SUGT1: variants seen among roughly 807,000 people sequenced by gnomAD.
SUGT1 encodes the protein protein SGT1 homolog.
In SUGT1, 15 loss-of-function variants were observed where a neutral mutation model predicts 56.1. That is an observed-to-expected ratio of 0.27 (90% CI 0.18 to 0.41). SUGT1 has a LOEUF of 0.41. Ranked by LOEUF, SUGT1 falls within the 10% of genes least tolerant of loss-of-function variation. The pLI is 1.00. For synonymous variants in SUGT1, 123 were observed against 128.6 expected (o/e 0.96, Z 0.30); for missense variants, 347 against 382.2 (o/e 0.91, Z 0.77).
intron 8 of SUGT1, among the ~76,000 whole-genome samples, chr13:52,664,866 C>T (rs1040896473): frequency 2.0e-5 from 3 of 152,028 alleles, no homozygotes; most frequent in African/African-American, 7.2e-5. Flanking sequence ...ACTTAATATA[C>T]GTGTACCGGA....
At chr13:52,668,062 C>T (rs986885793) in intron 10 of SUGT1, among the ~76,000 whole-genome samples, 3 of 151,868 alleles carry the variant, frequency 2.0e-5, no homozygotes, top group African/African-American at 7.3e-5. Context: ...CTGCAACCTC[C>T]GCCTTCTTGA....
intron 10 of SUGT1, among the ~76,000 whole-genome samples, chr13:52,674,931 T>C (rs904791791): frequency 1.3e-5 from 2 of 152,212 alleles, no homozygotes; most frequent in African/African-American, 4.8e-5. Flanking sequence ...AGGCCTAGCC[T>C]TAATTAGATA....
rs764876751 is a variant in SUGT1 at position 52,696,603 on chromosome 13, T to G, written c.*8768T>G. 1 of 152,212 alleles carries G rather than the reference T, an allele frequency of 6.6e-6. No individual in the cohort carries two copies. The highest frequency in any genetic ancestry group is 2.4e-5 in the African/African-American group (1 of 41,450). The allele number at this position is 152,212 out of a possible 1,614,324, so 9.4% of individuals were successfully genotyped here. On this transcript the variant is annotated 3_prime_UTR_variant, in exon 13 of 13. Coordinates refer to ENST00000310528, the MANE Select transcript of SUGT1 (RefSeq NM_006704.5). ...ATGTCAAGCCCTTAAAGTTGATCAT[T>G]TATTTGTCAATGTAAATAGAATAGT...
At chr13:52,673,683 G>A (rs1037077660) in intron 10 of SUGT1, among the ~76,000 whole-genome samples, 4 of 152,334 alleles carry the variant, frequency 2.6e-5, no homozygotes, top group African/African-American at 9.6e-5. Context: ...CATAGTTACA[G>A]GAACATGAAG....
chr13:52,691,180 C>T lies in SUGT1; in HGVS notation c.*3345C>T, dbSNP rs1361935490. 1.3e-5 allele frequency: 2 copies of T among 152,030 alleles called. No individual in the cohort carries two copies. Among genetic ancestry groups the T allele is most frequent in the Non-Finnish European group, 2.9e-5 (2 of 68,030 alleles). 9.4% of individuals were successfully genotyped at this position (152,030 alleles called of 1,614,324 possible). A position where few individuals can be genotyped will look rare whatever the true frequency, so the allele number is the denominator to read the frequency against. On this transcript the variant is annotated 3_prime_UTR_variant, in exon 13 of 13. Coordinates refer to ENST00000310528, the MANE Select transcript of SUGT1 (RefSeq NM_006704.5). ...GTATTTTTTTTGTAGAACCGGGTTT[C>T]ACCATGTGCCCAGGCTGGTCTTGAA...
At chr13:52,682,554 G>C (rs894203060) in intron 12 of SUGT1, among the ~76,000 whole-genome samples, 14 of 152,218 alleles carry the variant, frequency 9.2e-5, no homozygotes, top group Non-Finnish European at 1.9e-4. Context: ...TCAAGTGTGA[G>C]ATTTAACTTG....
At position 52,690,494 on chromosome 13, in the gene SUGT1, A is replaced by G. The variant is rs1963746399; in HGVS notation, c.*2659A>G. 1 of 152,162 alleles carries G rather than the reference A, an allele frequency of 6.6e-6. No individual in the cohort carries two copies. The highest frequency in any genetic ancestry group is 6.5e-5 in the Admixed American group (1 of 15,276). The allele number at this position is 152,162 out of a possible 1,614,324, so 9.4% of individuals were successfully genotyped here. ...AATGTTTCCTTTCCCTTTTAAGGTT[A>G]GTCCTGGAATACATGTTTTTCTTGG... On this transcript the variant is annotated 3_prime_UTR_variant, in exon 13 of 13. Coordinates refer to ENST00000310528, the MANE Select transcript of SUGT1 (RefSeq NM_006704.5).
rs1963814801 is a variant in SUGT1, at chr13:52,692,623, C to T, written c.*4788C>T. 6.6e-6 allele frequency: 1 copy of T among 152,272 alleles called. No individual in the cohort carries two copies. Among genetic ancestry groups the T allele is most frequent in the African/African-American group, 2.4e-5 (1 of 41,442 alleles). 9.4% of individuals were successfully genotyped at this position (152,272 alleles called of 1,614,324 possible). A position where few individuals can be genotyped will look rare whatever the true frequency, so the allele number is the denominator to read the frequency against. On this transcript the variant is annotated 3_prime_UTR_variant, in exon 13 of 13. Coordinates refer to ENST00000310528, the MANE Select transcript of SUGT1 (RefSeq NM_006704.5). The stretch of plus-strand genomic sequence containing the variant: ...ACGAGGTTTCACCATGTTGGTCAGG[C>T]TGGTCTTGAACTCCTGACCTCATGA...
rs1486230878 is a variant in SUGT1, at chr13:52,689,036, T to C, written c.*1201T>C. On this transcript the variant is annotated 3_prime_UTR_variant, in exon 13 of 13. Transcript: ENST00000310528. Reference sequence around the variant, plus strand: ...CTGTTAGGTGTCACTAACATTTTTATGGCAAAGCACTACTCTATACCCTCA... The same window carrying C: ...CTGTTAGGTGTCACTAACATTTTTACGGCAAAGCACTACTCTATACCCTCA... The C allele has an allele frequency of 6.6e-6, 1 of 152,224 alleles. No individual in the cohort carries two copies. The highest frequency in any genetic ancestry group is 1.5e-5 in the Non-Finnish European group (1 of 68,032). The allele number at this position is 152,224 out of a possible 1,614,324, so 9.4% of individuals were successfully genotyped here.
intron 5 of SUGT1, 55 bp from the exon 6 acceptor site, chr13:52,662,594 G>C (rs1299329376): frequency 6.3e-7 from 1 of 1,579,466 alleles, no homozygotes; most frequent in African/African-American, 1.4e-5. Context: ...GTAAGTATTT[G>C]TTGATTTATA....
chr13:52,653,211 C>T, intron 2 of SUGT1, 108 bp downstream of exon 2: 5 of 1,298,040 alleles, frequency 3.9e-6, no homozygotes, highest in Non-Finnish European at 5.4e-6. Context: ...GACCCAGGCT[C>T]TTGTTGATGC....
chr13:52,685,611 T>G (rs1363537309), intron 12 of SUGT1, among the ~76,000 whole-genome samples: 1 of 152,190 alleles, frequency 6.6e-6, no homozygotes, highest in Non-Finnish European at 1.5e-5. Flanking sequence ...TCTGAACTCA[T>G]TTTCATATAG....
Position 52,680,462 on chromosome 13 carries a change from C to T in SUGT1, c.900+307C>T, listed in dbSNP as rs192274876. On this transcript the variant is annotated intron_variant, in intron 12 of 12. Transcript: ENST00000310528. ...GAACTTCTGTTGTTTCCCTTCTAGA[C>T]TCATATGTAGCCTCAGTGTTAGAGA... 4.5e-3 allele frequency among the ~76,000 whole-genome samples: 682 copies of T among 152,264 alleles called. 6 individuals are homozygous for T. Among genetic ancestry groups the T allele is most frequent in the Non-Finnish European group, 7.6e-3 (515 of 68,018 alleles).
At chr13:52,668,238 C>A (rs1962797171) in intron 10 of SUGT1, among the ~76,000 whole-genome samples, 1 of 152,120 alleles carries the variant, frequency 6.6e-6, no homozygotes, top group Non-Finnish European at 1.5e-5. Context: ...CCTTGGCCTC[C>A]CAAACTGCTG....
At chr13:52,684,776 T>C (rs1031216424) in intron 12 of SUGT1, among the ~76,000 whole-genome samples, 1 of 151,552 alleles carries the variant, frequency 6.6e-6, no homozygotes, top group African/African-American at 2.4e-5. Context: ...AGTCCTCCCA[T>C]GTTGACCTCC....
At chr13:52,687,392 CTAA>C (rs1367700413) in intron 12 of SUGT1, 1 of 155,530 alleles carries the variant, frequency 6.4e-6, no homozygotes, top group Non-Finnish European at 1.4e-5. Context: ...TTTTTGGGAG[CTAA>C]TAATATTTTC....
At position 52,687,816 on chromosome 13, in the gene SUGT1, T is replaced by C. The variant is rs1963655644; in HGVS notation, c.983T>C (p.Met328Thr). The C allele has an allele frequency of 4.4e-6, 7 of 1,601,592 alleles. No individual in the cohort carries two copies. The highest frequency in any genetic ancestry group is 3.4e-6 in the Non-Finnish European group (4 of 1,174,918). The change falls in exon 13 of 13, where the codon ATG becomes ACG. Residue 328 changes from methionine (M) to threonine (T), a missense_variant. Met to Thr is a moderately conservative substitution (Grantham distance 81, BLOSUM62 -1). Coordinates refer to ENST00000310528, the MANE Select transcript of SUGT1 (RefSeq NM_006704.5). ...GTTGAAATCAATCCTCCTGATGATA[T>C]GGAATGGAAAAAGTACTAAATAAAT... Reference protein sequence around the residue: ...RKVEINPPDDMEWKKY With the variant: ...RKVEINPPDDTEWKKY
rs1387741531 is a variant in SUGT1, at chr13:52,700,526, A to AT, written c.*12692dup. 1 of 152,182 alleles carries AT rather than the reference A, an allele frequency of 6.6e-6. No homozygotes were observed. Among genetic ancestry groups the AT allele is most frequent in the Non-Finnish European group, 1.5e-5 (1 of 68,022 alleles). The allele number at this position is 152,182 out of a possible 1,614,324, so 9.4% of individuals were successfully genotyped here. The stretch of plus-strand genomic sequence containing the variant: ...TTCTCAAAATGAAGTACACCTATAT[A>AT]TGCATATAGTATATGAGCATGTGTA... On this transcript the variant is annotated 3_prime_UTR_variant, in exon 13 of 13. Coordinates refer to ENST00000310528, the MANE Select transcript of SUGT1 (RefSeq NM_006704.5).
chr13:52,683,134 C>T (rs997045513), intron 12 of SUGT1, among the ~76,000 whole-genome samples: 12 of 152,078 alleles, frequency 7.9e-5, no homozygotes, highest in Non-Finnish European at 1.5e-4. Flanking sequence ...CTGCAACTTC[C>T]GCACTGTGTT....
Sources: gnomAD v4.1 joint callset for allele counts (sites outside exome capture counted in the v4.1 genomes callset) on GRCh38, gnomAD v4.1.1 for gene constraint, MANE v1.5 for transcripts, NCBI Gene and HGNC (gene_info 2026-07-23, HGNC 2026-07-21) for gene names.